CAMK2D: variants seen among roughly 807,000 people sequenced by gnomAD.
CAMK2D encodes the protein calcium/calmodulin-dependent protein kinase type II subunit delta.
In CAMK2D, 37 loss-of-function variants were observed where a neutral mutation model predicts 84.0. That is an observed-to-expected ratio of 0.44 (90% CI 0.34 to 0.58). CAMK2D has a LOEUF of 0.58. Among genes scored for constraint, CAMK2D ranks in the 20% least tolerant of loss-of-function variants. The pLI is 0.02. For missense variants in CAMK2D, 448 were observed against 652.5 expected (o/e 0.69, Z 3.41); for synonymous variants, 202 against 212.5 (o/e 0.95, Z 0.43).
In CAMK2D at chr4:113,709,745, C is replaced by CTATATATA. The variant is rs1554070590; in HGVS notation, c.161-47974_161-47973insTATATATA. 3.7e-3 allele frequency among the ~76,000 whole-genome samples: 92 copies of CTATATATA among 24,630 alleles called. 6 individuals are homozygous for CTATATATA. Among genetic ancestry groups the CTATATATA allele is most frequent in the African/African-American group, 0.022 (90 of 4,032 alleles). 16.2% of individuals were successfully genotyped at this position (24,630 alleles called of 152,430 possible). ...AGAGTGAAAAGCTAAAAGCCGTGAA[C>CTATATATA]GATATATATATATATATATATATAT... is the stretch of plus-strand genomic sequence containing the variant. On this transcript the variant is annotated intron_variant, in intron 2 of 20. Coordinates refer to ENST00000511664, the MANE Select transcript of CAMK2D (RefSeq NM_001321571.2).
chr4:113,619,449 C>T (rs1211114261), intron 3 of CAMK2D, among the ~76,000 whole-genome samples: 3 of 152,084 alleles, frequency 2.0e-5, no homozygotes, highest in African/African-American at 7.2e-5. Context: ...AGTAAGAGCC[C>T]AAATTCCATT....
chr4:113,749,201 A>C (rs1275596999), intron 2 of CAMK2D, among the ~76,000 whole-genome samples: 2 of 151,764 alleles, frequency 1.3e-5, no homozygotes, highest in Non-Finnish European at 2.9e-5. Context: ...AGGTATTAGA[A>C]ATATGTCTCT....
intron 2 of CAMK2D, among the ~76,000 whole-genome samples, chr4:113,750,831 C>T (rs574118733): frequency 5.9e-5 from 9 of 151,856 alleles, no homozygotes; most frequent in Middle Eastern, 3.4e-3. Context: ...GCCTGAGGAA[C>T]ACAGAGAGAC....
In CAMK2D at chr4:113,495,514, T is replaced by C. The variant is rs540612278; in HGVS notation, c.1135+4949A>G. 5.9e-5 allele frequency among the ~76,000 whole-genome samples: 9 copies of C among 152,290 alleles called. No homozygotes were observed. The South Asian group carries it at 1.4e-3, about 25-fold the overall frequency. On this transcript the variant is annotated intron_variant, in intron 16 of 20. Coordinates refer to ENST00000511664, the MANE Select transcript of CAMK2D (RefSeq NM_001321571.2). The stretch of plus-strand genomic sequence containing the variant: ...GTTGAATCTGGGTAATCAGTCATCA[T>C]ACTATTCACTAATGTACATATTTAT...
Position 113,451,175 on chromosome 4 carries a change from C to A in CAMK2D, c.*3370G>T, listed in dbSNP as rs1470827962. ...TCCTTGAAAATTTCCTTAGAATATACTGATTTGCTACTACATTTCATTTTT... is the reference window on the plus strand; with the variant it reads ...TCCTTGAAAATTTCCTTAGAATATAATGATTTGCTACTACATTTCATTTTT... On this transcript the variant is annotated 3_prime_UTR_variant, in exon 21 of 21. Coordinates refer to ENST00000511664, the MANE Select transcript of CAMK2D (RefSeq NM_001321571.2). The A allele has an allele frequency of 6.6e-6, 1 of 152,138 alleles. No individual in the cohort carries two copies. The highest frequency in any genetic ancestry group is 2.4e-5 in the African/African-American group (1 of 41,420). 9.4% of individuals were successfully genotyped at this position (152,138 alleles called of 1,614,324 possible).
At chr4:113,750,559 C>T (rs1185666482) in intron 2 of CAMK2D, among the ~76,000 whole-genome samples, 1 of 152,192 alleles carries the variant, frequency 6.6e-6, no homozygotes, top group Admixed American at 6.5e-5. Flanking sequence ...CCAGGAAATA[C>T]TTGAGGAAGG....
intron 16 of CAMK2D, among the ~76,000 whole-genome samples, chr4:113,466,370 G>A (rs950981838): frequency 6.6e-6 from 1 of 152,008 alleles, no homozygotes; most frequent in Non-Finnish European, 1.5e-5. Flanking sequence ...TAGTTAACAA[G>A]TGTTATTAAA....
chr4:113,503,129 A>G (rs952216522), intron 14 of CAMK2D, among the ~76,000 whole-genome samples, 152 bp from the exon 15 acceptor site: 13 of 152,216 alleles, frequency 8.5e-5, no homozygotes, highest in African/African-American at 2.7e-4. Context: ...GCAGCTGACA[A>G]TATCTCTGAT....
chr4:113,665,952 G>C (rs2099255728), intron 2 of CAMK2D, among the ~76,000 whole-genome samples: 1 of 152,152 alleles, frequency 6.6e-6, no homozygotes, highest in Non-Finnish European at 1.5e-5. Flanking sequence ...AAGAATTTTG[G>C]TGAAATGTTG....
At chr4:113,527,780 T>C (rs73841655) in intron 8 of CAMK2D, among the ~76,000 whole-genome samples, 3 of 152,132 alleles carry the variant, frequency 2.0e-5, no homozygotes, top group Non-Finnish European at 4.4e-5. Context: ...CAAATTATGA[T>C]TGAATACATT....
chr4:113,505,045 T>A lies in CAMK2D; in HGVS notation c.985-10A>T. The A allele has an allele frequency of 6.4e-7, 1 of 1,559,302 alleles. No individual in the cohort carries two copies. The highest frequency in any genetic ancestry group is 8.6e-7 in the Non-Finnish European group (1 of 1,157,184). ...TGGCTTTGTTGTTTATCTGTGGGTA[T>A]GCAGAAAATAGAAACAGAGATGCCT... On this transcript the variant is annotated splice_polypyrimidine_tract_variant and intron_variant, in intron 13 of 20. Coordinates refer to ENST00000511664, the MANE Select transcript of CAMK2D (RefSeq NM_001321571.2).
chr4:113,542,870 TTCTCTCTCTC>T (rs1248307184), intron 6 of CAMK2D, among the ~76,000 whole-genome samples: 2 of 152,020 alleles, frequency 1.3e-5, no homozygotes, highest in Non-Finnish European at 2.9e-5. Flanking sequence ...ATCTCTCTCT[TTCTCTCTCTC>T]TCATATTCAT....
chr4:113,497,986 C>T (rs2097965113), intron 16 of CAMK2D, among the ~76,000 whole-genome samples: 1 of 152,136 alleles, frequency 6.6e-6, no homozygotes, highest in African/African-American at 2.4e-5. Flanking sequence ...GTGGAAGACA[C>T]AGTTTTGTAG....
intron 3 of CAMK2D, among the ~76,000 whole-genome samples, chr4:113,610,800 T>A (rs368011228): frequency 6.6e-6 from 1 of 152,136 alleles, no homozygotes; most frequent in East Asian, 1.9e-4. Context: ...AGTGCCACCC[T>A]TGAGGTCATT....
intron 3 of CAMK2D, among the ~76,000 whole-genome samples, chr4:113,638,951 T>C (rs542894407): frequency 3.0e-4 from 45 of 151,812 alleles, no homozygotes; most frequent in African/African-American, 1.0e-3. Context: ...ATAATAAATA[T>C]AAAAATGTAG....
At chr4:113,596,054 A>G (rs1036407984) in intron 4 of CAMK2D, among the ~76,000 whole-genome samples, 4 of 152,230 alleles carry the variant, frequency 2.6e-5, no homozygotes, top group African/African-American at 4.8e-5. Flanking sequence ...TGTGTTATCA[A>G]TTAACTTTAT....
intron 2 of CAMK2D, among the ~76,000 whole-genome samples, chr4:113,748,026 TCCTA>T (rs10564120): frequency 0.016 from 2,390 of 152,220 alleles, 70 homozygotes; most frequent in African/African-American, 0.055. Context: ...TTGTTTTTTT[TCCTA>T]CCTATCTCTC....
chr4:113,696,195 G>GACACACACAC (rs56784441), intron 2 of CAMK2D, among the ~76,000 whole-genome samples: 43 of 144,634 alleles, frequency 3.0e-4, no homozygotes, highest in South Asian at 1.1e-3. Context: ...CAGACACACA[G>GACACACACAC]ACACACACAC....
At chr4:113,692,965 T>C (rs1013817134) in intron 2 of CAMK2D, among the ~76,000 whole-genome samples, 2 of 152,134 alleles carry the variant, frequency 1.3e-5, no homozygotes, top group Non-Finnish European at 2.9e-5. Flanking sequence ...GACACAGAGT[T>C]CATGAAAGTT....
Sources: allele counts gnomAD v4.1 joint callset (sites outside exome capture counted in the v4.1 genomes callset), GRCh38; gene constraint gnomAD v4.1.1; transcripts MANE v1.5; gene names NCBI Gene and HGNC (gene_info 2026-07-23, HGNC 2026-07-21).